NRXN1: variants seen among roughly 807,000 people sequenced by gnomAD.
NRXN1 encodes the protein neurexin 1, also known as neurexin-1.
In NRXN1, 39 loss-of-function variants were observed where a neutral mutation model predicts 150.9. That is an observed-to-expected ratio of 0.26 (90% CI 0.20 to 0.34). NRXN1 has a LOEUF of 0.34. Ranked by LOEUF, NRXN1 falls within the 10% of genes least tolerant of loss-of-function variation. The pLI is 1.00. For synonymous variants in NRXN1, 924 were observed against 757.0 expected (o/e 1.22, Z -3.62); for missense variants, 1,815 against 1,949.9 (o/e 0.93, Z 1.30).
chr2:50,961,956 C>A (rs1253642670), intron 2 of NRXN1, among the ~76,000 whole-genome samples: 1 of 128,260 alleles, frequency 7.8e-6, no homozygotes, highest in Non-Finnish European at 1.6e-5. Context: ...TGGACTAGGC[C>A]TGCTAGTTAA....
chr2:51,030,535 AACACACAC>A (rs57434663), intron 1 of NRXN1, among the ~76,000 whole-genome samples: 13,718 of 145,194 alleles, frequency 0.094, 1,396 homozygotes, highest in African/African-American at 0.23. Context: ...TCTCTCTTTC[AACACACAC>A]ACACACACAC....
chr2:50,393,131 T>C (rs934025762), intron 17 of NRXN1, among the ~76,000 whole-genome samples: 2 of 151,622 alleles, frequency 1.3e-5, no homozygotes, highest in Non-Finnish European at 2.9e-5. Context: ...GTTATCAATT[T>C]CTAGGTATTG....
chr2:50,410,859 T>C (rs2083098723), intron 17 of NRXN1, among the ~76,000 whole-genome samples: 1 of 152,188 alleles, frequency 6.6e-6, no homozygotes, highest in Non-Finnish European at 1.5e-5. Context: ...TGTTGGTCTC[T>C]GAATCAAAAG....
Position 50,768,515 on chromosome 2 carries a change from G to A in NRXN1, c.833-144900C>T, listed in dbSNP as rs181800032. On this transcript the variant is annotated intron_variant, in intron 5 of 22. Coordinates refer to ENST00000401669, the MANE Select transcript of NRXN1 (RefSeq NM_001330078.2). The stretch of plus-strand genomic sequence containing the variant: ...AGAGATGAGGTCTCACTATGTTGCA[G>A]AGGCTGGTCCTGAACTCCTGAGCTC... Among the ~76,000 whole-genome samples the A allele has an allele frequency of 8.1e-4, 123 of 151,514 alleles. 1 individual carries two copies. Among genetic ancestry groups the A allele is most frequent in the African/African-American group, 2.7e-3 (112 of 41,312 alleles).
chr2:50,239,662 G>GTATATATA lies in NRXN1; in HGVS notation c.3365-2700_3365-2693dup, dbSNP rs59505952. 3.9e-3 allele frequency among the ~76,000 whole-genome samples: 185 copies of GTATATATA among 47,256 alleles called. 4 individuals carry two copies. Among genetic ancestry groups the GTATATATA allele is most frequent in the East Asian group, 7.6e-3 (7 of 916 alleles). The allele number at this position is 47,256 out of a possible 152,430, so 31.0% of individuals were successfully genotyped here. ...AACCCATATCCTGATACCTATTCCA[G>GTATATATA]TATATATATATATATATATATATAT... On this transcript the variant is annotated intron_variant, in intron 17 of 22. Transcript: ENST00000401669.
intron 17 of NRXN1, among the ~76,000 whole-genome samples, chr2:50,456,094 A>C (rs1162028225): frequency 6.6e-6 from 1 of 152,140 alleles, no homozygotes; most frequent in Non-Finnish European, 1.5e-5. Context: ...GTCATATGTT[A>C]TATATTTATA....
At chr2:50,270,673 GTT>G (rs34114256) in intron 17 of NRXN1, among the ~76,000 whole-genome samples, 3,821 of 143,752 alleles carry the variant, frequency 0.027, 154 homozygotes, top group African/African-American at 0.091. Flanking sequence ...TATAGATATA[GTT>G]TTTTTTTTTT....
chr2:50,472,419 T>A lies in NRXN1; in HGVS notation c.3123A>T (p.Lys1041Asn), dbSNP rs546830063. The A allele has an allele frequency of 2.5e-6, 4 of 1,612,228 alleles. No homozygotes were observed. The highest frequency in any genetic ancestry group is 1.3e-5 in the African/African-American group (1 of 74,882). Residue 1041 changes from lysine (K) to asparagine (N), a missense_variant, in exon 16 of 23, where the codon AAA (lysine) becomes AAT (asparagine). Lys to Asn is a moderately conservative substitution (Grantham distance 94, BLOSUM62 0). This residue lies in a region of NRXN1 where 339 missense variants were observed against 440.3 expected (regional missense o/e 0.77). Coordinates refer to ENST00000401669, the MANE Select transcript of NRXN1 (RefSeq NM_001330078.2). ...GAAAGCCTTCTTTGGCATGTACAAG[T>A]TTTGGTAAGGATTTGTATGTTTCTT... is the stretch of plus-strand genomic sequence containing the variant. ...VAKETYKSLP[K>N]LVHAKEGFQG...
intron 2 of NRXN1, among the ~76,000 whole-genome samples, chr2:50,949,093 G>A (rs1309576833): frequency 6.6e-6 from 1 of 151,944 alleles, no homozygotes; most frequent in Non-Finnish European, 1.5e-5. Context: ...CTGTTCTTAG[G>A]ACTGTCCTAT....
rs183032051 is a variant in NRXN1 at position 50,549,516 on chromosome 2, A to C, written c.1759+3071T>G. On this transcript the variant is annotated intron_variant, in intron 9 of 22. Coordinates refer to ENST00000401669, the MANE Select transcript of NRXN1 (RefSeq NM_001330078.2). ...CAACAGCACCAAGCATAGTAATCTG[A>C]TCTTTCCACTGGATTCAAAGAAAAA... 3.9e-3 allele frequency among the ~76,000 whole-genome samples: 589 copies of C among 152,296 alleles called. 3 individuals are homozygous for C. The highest frequency in any genetic ancestry group is 7.1e-3 in the Non-Finnish European group (485 of 68,002).
At position 50,884,839 on chromosome 2, in the gene NRXN1, T is replaced by C. The variant is rs145593519; in HGVS notation, c.832+37030A>G. On this transcript the variant is annotated intron_variant, in intron 5 of 22. Transcript: ENST00000401669. ...ACTGTTTTTTAAAAAAAAAATAAAATACAAACTTTTTTTTCTATAAACGCA... is the reference window on the plus strand; with the variant it reads ...ACTGTTTTTTAAAAAAAAAATAAAACACAAACTTTTTTTTCTATAAACGCA... Among the ~76,000 whole-genome samples the C allele has an allele frequency of 1.9e-3, 282 of 151,396 alleles. 1 individual carries two copies. Among genetic ancestry groups the C allele is most frequent in the African/African-American group, 6.7e-3 (279 of 41,376 alleles).
chr2:50,277,559 T>A, intron 17 of NRXN1, among the ~76,000 whole-genome samples: 1 of 49,690 alleles, frequency 2.0e-5, no homozygotes, highest in East Asian at 3.2e-4. Context: ...CCTCTTTCTC[T>A]TTCTTTCTTT....
chr2:50,018,149 A>G (rs1686954984), intron 21 of NRXN1, among the ~76,000 whole-genome samples: 1 of 152,156 alleles, frequency 6.6e-6, no homozygotes, highest in African/African-American at 2.4e-5. Context: ...GTCTGGCAGA[A>G]TCTGGAACTA....
intron 2 of NRXN1, among the ~76,000 whole-genome samples, chr2:50,931,600 T>A (rs1399625365): frequency 1.3e-5 from 2 of 152,042 alleles, no homozygotes; most frequent in African/African-American, 4.8e-5. Context: ...AACAAACAGC[T>A]TGGAAGGAAG....
chr2:50,747,929 A>G (rs1189200440), intron 5 of NRXN1, among the ~76,000 whole-genome samples: 2 of 152,120 alleles, frequency 1.3e-5, no homozygotes, highest in Non-Finnish European at 2.9e-5. Flanking sequence ...TCTGTTTTCC[A>G]TATCATCAAC....
chr2:50,871,296 A>C (rs1677745872), intron 5 of NRXN1, among the ~76,000 whole-genome samples: 1 of 151,830 alleles, frequency 6.6e-6, no homozygotes. Context: ...TTCCTGTATG[A>C]CATTTTACAA....
intron 2 of NRXN1, among the ~76,000 whole-genome samples, chr2:51,014,042 A>C (rs911816064): frequency 1.3e-5 from 2 of 152,058 alleles, no homozygotes; most frequent in African/African-American, 4.8e-5. Context: ...CCTATCAAGA[A>C]TTTTATGAAG....
At chr2:50,916,421 G>T (rs1028445027) in intron 5 of NRXN1, among the ~76,000 whole-genome samples, 2 of 151,322 alleles carry the variant, frequency 1.3e-5, no homozygotes, top group Admixed American at 6.6e-5. Flanking sequence ...TTTAACCTCT[G>T]ACCAGCACAA....
chr2:50,673,906 C>G (rs1461889406), intron 5 of NRXN1, among the ~76,000 whole-genome samples: 1 of 151,964 alleles, frequency 6.6e-6, no homozygotes, highest in East Asian at 1.9e-4. Context: ...ACGGATGAAG[C>G]TGGAAACCAT....
Sources: gnomAD v4.1 joint callset for allele counts (sites outside exome capture counted in the v4.1 genomes callset) on GRCh38, gnomAD v4.1.1 for gene constraint, gnomAD v4.1.1 regional missense constraint, MANE v1.5 for transcripts, NCBI Gene and HGNC (gene_info 2026-07-23, HGNC 2026-07-21) for gene names.